Variants in TMEM229B observed in about 807,000 individuals in gnomAD.
TMEM229B encodes chromosome 14 open reading frame 83.
Under a neutral mutation model 13.7 loss-of-function variants are expected in TMEM229B, and 6 were observed. That is an observed-to-expected ratio of 0.44 (90% CI 0.24 to 0.86). The LOEUF (loss-of-function observed/expected upper bound fraction) is 0.86. TMEM229B is among the 40% of genes least tolerant of loss of function. The pLI is 0.23. For synonymous variants in TMEM229B, 107 were observed against 102.1 expected (o/e 1.05, Z -0.29); for missense variants, 170 against 236.0 (o/e 0.72, Z 1.83).
upstream of TMEM229B, among the ~76,000 whole-genome samples, chr14:67,492,830 G>C (rs190954614): frequency 6.6e-6 from 1 of 152,338 alleles, no homozygotes; most frequent in East Asian, 1.9e-4. Flanking sequence ...TGAAGGCCAG[G>C]TACTGTACCA....
upstream of TMEM229B, among the ~76,000 whole-genome samples, chr14:67,519,774 G>A (rs900837593): frequency 2.0e-5 from 3 of 151,314 alleles, no homozygotes; most frequent in African/African-American, 7.3e-5. Context: ...CCAGCCTGGA[G>A]TGCAGTGGCA....
chr14:67,473,065 C>A lies in TMEM229B; in HGVS notation c.*355G>T, dbSNP rs916758219. 1.7e-4 allele frequency: 45 copies of A among 259,218 alleles called. No individual in the cohort carries two copies. The highest frequency in any genetic ancestry group is 2.9e-4 in the Non-Finnish European group (39 of 134,424). The allele number at this position is 259,218 out of a possible 1,614,324, so 16.1% of individuals were successfully genotyped here. ...GAGGGAGGTCAGGCCTTGCCTCCCA[C>A]CTGCGGCCCCATTCTCATTGTCCCT... is the stretch of plus-strand genomic sequence containing the variant. On this transcript the variant is annotated 3_prime_UTR_variant, in exon 3 of 3. Transcript: ENST00000554480. The surrounding 1 kb of genome is among the most constrained non-coding windows in gnomAD (Gnocchi z 6.5).
chr14:67,499,934 G>C (rs764805395), intron 1 of TMEM229B, among the ~76,000 whole-genome samples: 3 of 152,140 alleles, frequency 2.0e-5, no homozygotes, highest in Non-Finnish European at 2.9e-5. Context: ...ATTAAGGAGG[G>C]GAGTGGTCTC....
chr14:67,529,800 G>T (rs1480867306), intron 1 of TMEM229B, among the ~76,000 whole-genome samples: 3 of 152,134 alleles, frequency 2.0e-5, no homozygotes, highest in African/African-American at 7.2e-5. Flanking sequence ...TGACTTCTTT[G>T]TGACCCAAGG....
chr14:67,528,838 A>T (rs771901512), intron 1 of TMEM229B, among the ~76,000 whole-genome samples: 2 of 152,218 alleles, frequency 1.3e-5, no homozygotes, highest in African/African-American at 2.4e-5. Flanking sequence ...GACCCCAGAC[A>T]GGTGCGTGAC....
chr14:67,505,435 C>G (rs771489260), intron 1 of TMEM229B, among the ~76,000 whole-genome samples: 1 of 152,198 alleles, frequency 6.6e-6, no homozygotes, highest in Non-Finnish European at 1.5e-5. Context: ...GTGGGACACA[C>G]GTTGGCCATC....
At chr14:67,508,490 G>A (rs1022755345) in intron 1 of TMEM229B, among the ~76,000 whole-genome samples, 1 of 152,050 alleles carries the variant, frequency 6.6e-6, no homozygotes, top group African/African-American at 2.4e-5. Flanking sequence ...CTTGCACACT[G>A]TTCCATCATA....
chr14:67,484,991 A>C lies in TMEM229B; in HGVS notation c.-19+2009T>G, dbSNP rs573013468. Among the ~76,000 whole-genome samples, 6 of 152,366 alleles carry C rather than the reference A, an allele frequency of 3.9e-5. No homozygotes were observed. The East Asian group carries it at 1.2e-3, about 29-fold the overall frequency. ...GCAAGCGGAAAACTGTAATTTACTTAACCTAGATGTCCAAAGGGAACAGTT... is the reference window on the plus strand; with the variant it reads ...GCAAGCGGAAAACTGTAATTTACTTCACCTAGATGTCCAAAGGGAACAGTT... On this transcript the variant is annotated intron_variant, in intron 2 of 2. Coordinates refer to ENST00000554480, the MANE Select transcript of TMEM229B (RefSeq NM_001348543.2).
At position 67,473,719 on chromosome 14, in the gene TMEM229B, C is replaced by T. The variant is rs764485394; in HGVS notation, c.205G>A (p.Gly69Ser). The T allele has an allele frequency of 5.6e-6, 9 of 1,605,672 alleles. No homozygotes were observed. Among genetic ancestry groups the T allele is most frequent in the East Asian group, 2.2e-5 (1 of 44,472 alleles). Residue 69 changes from glycine (G) to serine (S), a missense_variant, in exon 3 of 3, where the codon GGC (glycine) becomes AGC (serine). By Grantham distance (56) the Gly-to-Ser change is moderately conservative. Around this residue, in one of 4 missense-constraint regions of TMEM229B, gnomAD observed 57 missense variants for 66.7 expected, o/e 0.85. Coordinates refer to ENST00000554480, the MANE Select transcript of TMEM229B (RefSeq NM_001348543.2). This position sits in a 1 kb window ranked among gnomAD's most constrained non-coding sequence, Gnocchi z 6.5. ...CAGCGCAGGAGCAGCGGGCAGCGGC[C>T]GCGCAGCCGCAGGTACATGCGCTCC... ...IVERMYLRLRGRCPLLLRCLI... is the reference protein window; with the variant it reads ...IVERMYLRLRSRCPLLLRCLI...
chr14:67,531,905 A>C (rs961587704), intron 1 of TMEM229B, among the ~76,000 whole-genome samples: 2 of 116,476 alleles, frequency 1.7e-5, no homozygotes, highest in Admixed American at 1.7e-4. Flanking sequence ...AGAAGAACCT[A>C]TGTCCAAAAA....
intron 1 of TMEM229B, among the ~76,000 whole-genome samples, chr14:67,513,324 C>G (rs74337836): frequency 0.013 from 1,920 of 152,276 alleles, 45 homozygotes; most frequent in African/African-American, 0.044. Flanking sequence ...ATGGGAAGGT[C>G]CATAGAAGTG....
intron 1 of TMEM229B, among the ~76,000 whole-genome samples, chr14:67,524,850 A>G (rs1258044023): frequency 1.3e-5 from 2 of 152,132 alleles, no homozygotes; most frequent in East Asian, 3.9e-4. Context: ...GTGATCCCCA[A>G]CTCCCCCAGG....
chr14:67,511,628 G>A (rs1048783306), intron 1 of TMEM229B, among the ~76,000 whole-genome samples: 4 of 152,228 alleles, frequency 2.6e-5, no homozygotes, highest in Non-Finnish European at 5.9e-5. Context: ...AGACTGGATT[G>A]TGATCCAAAG....
chr14:67,490,592 C>T (rs1242209119), upstream of TMEM229B, among the ~76,000 whole-genome samples: 4 of 152,188 alleles, frequency 2.6e-5, no homozygotes, highest in East Asian at 1.9e-4. Context: ...AAATTCCCTT[C>T]GCACCATTTT....
At chr14:67,493,953 GC>G (rs1422415345) in intron 1 of TMEM229B, among the ~76,000 whole-genome samples, 1 of 151,770 alleles carries the variant, frequency 6.6e-6, no homozygotes, top group Non-Finnish European at 1.5e-5. Flanking sequence ...TGTGACAGTT[GC>G]TGTCTGCTCT....
chr14:67,507,757 C>T (rs1203133938), intron 1 of TMEM229B, among the ~76,000 whole-genome samples: 1 of 152,274 alleles, frequency 6.6e-6, no homozygotes. Context: ...TAAGACAAGA[C>T]ATAAAGGTTG....
chr14:67,475,512 T>G (rs2031129915), intron 2 of TMEM229B, among the ~76,000 whole-genome samples: 3 of 152,226 alleles, frequency 2.0e-5, no homozygotes, highest in Admixed American at 2.0e-4. Flanking sequence ...CCATCAGCAA[T>G]GTACAAGGGT....
upstream of TMEM229B, among the ~76,000 whole-genome samples, chr14:67,492,868 C>A (rs2032224469): frequency 6.6e-6 from 1 of 152,314 alleles, no homozygotes; most frequent in Admixed American, 6.5e-5. Context: ...GTTCCTGCCC[C>A]CTTGGAGCTC....
At chr14:67,531,407 C>A (rs2140287505) in intron 1 of TMEM229B, among the ~76,000 whole-genome samples, 1 of 152,226 alleles carries the variant, frequency 6.6e-6, no homozygotes, top group Non-Finnish European at 1.5e-5. Context: ...ACCTCTACCA[C>A]CCTCCCACAG....
Sources: allele counts gnomAD v4.1 joint callset (sites outside exome capture counted in the v4.1 genomes callset), GRCh38; gene constraint gnomAD v4.1.1; regional missense constraint gnomAD v4.1.1; non-coding constraint Gnocchi (gnomAD v3.1); transcripts MANE v1.5; gene names NCBI Gene and HGNC (gene_info 2026-07-23, HGNC 2026-07-21).